Variants in CTNNA2 observed in about 807,000 individuals in gnomAD.
CTNNA2 encodes the protein catenin alpha 2.
Under a neutral mutation model 101.0 loss-of-function variants are expected in CTNNA2, and 42 were observed. The observed-to-expected ratio is 0.42, with a 90% CI of 0.32 to 0.54. CTNNA2 has a LOEUF of 0.54. Among genes scored for constraint, CTNNA2 ranks in the 20% least tolerant of loss-of-function variants. The pLI, the probability that CTNNA2 is intolerant of heterozygous loss-of-function variation, is 0.14. For synonymous variants in CTNNA2, 450 were observed against 456.4 expected (o/e 0.99, Z 0.18); for missense variants, 871 against 1,223.1 (o/e 0.71, Z 4.29).
At chr2:80,123,854 C>T (rs1701979061) in intron 7 of CTNNA2, among the ~76,000 whole-genome samples, 1 of 152,026 alleles carries the variant, frequency 6.6e-6, no homozygotes, top group African/African-American at 2.4e-5. Context: ...ATGGTGGCTA[C>T]CTTATCCGTC....
chr2:79,331,791 A>G (rs1469574430), intron 3 of CTNNA2, among the ~76,000 whole-genome samples: 1 of 152,224 alleles, frequency 6.6e-6, no homozygotes, highest in Non-Finnish European at 1.5e-5. Flanking sequence ...CTGAAGGCTA[A>G]TTATCAAAAG....
At chr2:79,829,360 T>TACACAC (rs55934940) in intron 3 of CTNNA2, among the ~76,000 whole-genome samples, 3,299 of 113,120 alleles carry the variant, frequency 0.029, 84 homozygotes, top group South Asian at 0.039. Context: ...CAACTAAAAC[T>TACACAC]ACACACACAC....
intron 9 of CTNNA2, among the ~76,000 whole-genome samples, chr2:80,437,377 G>T (rs892120823): frequency 6.6e-6 from 1 of 152,090 alleles, no homozygotes; most frequent in Non-Finnish European, 1.5e-5. Flanking sequence ...AGTAAAATTT[G>T]GTTATGGAAA....
intron 7 of CTNNA2, among the ~76,000 whole-genome samples, chr2:80,353,429 G>C (rs1673499506): frequency 6.6e-6 from 1 of 152,106 alleles, no homozygotes; most frequent in Non-Finnish European, 1.5e-5. Context: ...TTAGAATCTT[G>C]TTAACTATTC....
At chr2:79,391,015 A>C (rs911541001) in intron 4 of CTNNA2, among the ~76,000 whole-genome samples, 7 of 152,300 alleles carry the variant, frequency 4.6e-5, no homozygotes, top group Admixed American at 4.6e-4. Flanking sequence ...AGGAAAGTAG[A>C]AAAGCAAAGT....
At chr2:80,581,971 C>T in intron 14 of CTNNA2, 152 bp downstream of exon 14, 1 of 578,832 alleles carries the variant, frequency 1.7e-6, no homozygotes, top group African/African-American at 1.9e-5. Context: ...TAGCAAATCA[C>T]ATTTTACACA....
intron 2 of CTNNA2, among the ~76,000 whole-genome samples, chr2:79,236,382 C>A (rs1674558003): frequency 6.6e-6 from 1 of 152,176 alleles, no homozygotes; most frequent in African/African-American, 2.4e-5. Flanking sequence ...ATCCTCCTGC[C>A]TCAGCCTCCC....
intron 7 of CTNNA2, among the ~76,000 whole-genome samples, chr2:80,202,242 GA>G (rs1321870881): frequency 6.6e-6 from 1 of 152,092 alleles, no homozygotes; most frequent in African/African-American, 2.4e-5. Flanking sequence ...TAATCACCCA[GA>G]CATAGCTCAG....
intron 7 of CTNNA2, among the ~76,000 whole-genome samples, chr2:79,937,027 A>G (rs1241622723): frequency 6.6e-5 from 10 of 152,198 alleles, no homozygotes; most frequent in Non-Finnish European, 1.5e-5. Context: ...AAATAATGCC[A>G]TTGACCTCCA....
chr2:79,895,828 A>T (rs1243752211), intron 6 of CTNNA2, among the ~76,000 whole-genome samples: 1 of 151,854 alleles, frequency 6.6e-6, no homozygotes, highest in Non-Finnish European at 1.5e-5. Context: ...AAAAATTATT[A>T]TTAGCTTTAT....
chr2:80,008,283 G>A (rs907983523), intron 7 of CTNNA2, among the ~76,000 whole-genome samples: 64 of 152,118 alleles, frequency 4.2e-4, no homozygotes, highest in African/African-American at 1.5e-3. Flanking sequence ...TTTCCTTATC[G>A]CTCCCGCAGT....
chr2:79,727,819 T>C (rs1686948366), intron 2 of CTNNA2, among the ~76,000 whole-genome samples: 1 of 147,196 alleles, frequency 6.8e-6, no homozygotes, highest in Admixed American at 7.0e-5. Flanking sequence ...TGAGTGAGAA[T>C]ATGCAGTGTT....
At chr2:80,369,366 A>G (rs1675243198) in intron 7 of CTNNA2, among the ~76,000 whole-genome samples, 1 of 152,108 alleles carries the variant, frequency 6.6e-6, no homozygotes, top group African/African-American at 2.4e-5. Flanking sequence ...GGGAATATAC[A>G]TATTCTTTGA....
At chr2:79,365,352 G>A (rs1254917286) in intron 3 of CTNNA2, among the ~76,000 whole-genome samples, 2 of 152,104 alleles carry the variant, frequency 1.3e-5, no homozygotes, top group Non-Finnish European at 2.9e-5. Flanking sequence ...GCCAAGGGTG[G>A]TGTCTCACAC....
chr2:79,954,021 T>G (rs958114981), intron 7 of CTNNA2, among the ~76,000 whole-genome samples: 9 of 152,160 alleles, frequency 5.9e-5, no homozygotes, highest in Non-Finnish European at 8.8e-5. Context: ...GAAAGAGGTT[T>G]AGTTGACTCA....
intron 2 of CTNNA2, among the ~76,000 whole-genome samples, chr2:79,199,589 G>A (rs1437612785): frequency 3.3e-5 from 5 of 151,970 alleles, no homozygotes; most frequent in East Asian, 1.9e-4. Flanking sequence ...ATTTTGTGGC[G>A]TTGGACTGAC....
intron 5 of CTNNA2, among the ~76,000 whole-genome samples, chr2:79,873,043 T>C (rs974526228): frequency 6.6e-6 from 1 of 152,248 alleles, no homozygotes; most frequent in Non-Finnish European, 1.5e-5. Context: ...TGTTATTTTC[T>C]GTTCTCTAAA....
At chr2:79,608,967 G>T (rs1413678801) in intron 1 of CTNNA2, among the ~76,000 whole-genome samples, 1 of 151,866 alleles carries the variant, frequency 6.6e-6, no homozygotes, top group Non-Finnish European at 1.5e-5. Flanking sequence ...AGAAAATGGG[G>T]TTGTCTGTGA....
chr2:79,851,273 A>G (rs1312245290), intron 3 of CTNNA2, among the ~76,000 whole-genome samples: 1 of 152,240 alleles, frequency 6.6e-6, no homozygotes. Flanking sequence ...TGCTTTGAAA[A>G]TGAGCTGACC....
Sources: gnomAD v4.1 joint callset for allele counts (sites outside exome capture counted in the v4.1 genomes callset) on GRCh38, gnomAD v4.1.1 for gene constraint, MANE v1.5 for transcripts, NCBI Gene and HGNC (gene_info 2026-07-23, HGNC 2026-07-21) for gene names.